The following SGIP1 variants were observed in gnomAD, a reference collection of about 807,000 sequenced individuals.
The protein encoded by SGIP1 is SH3GL interacting endocytic adaptor 1, also known as SH3-containing GRB2-like protein 3-interacting protein 1.
SGIP1 carries 38 observed loss-of-function variants against 107.5 expected under a neutral mutation model. The observed-to-expected ratio is 0.35, with a 90% CI of 0.27 to 0.46. SGIP1 has a LOEUF of 0.46. Among genes scored for constraint, SGIP1 ranks in the 20% least tolerant of loss-of-function variants. The pLI is 1.00. For synonymous variants in SGIP1, 365 were observed against 366.1 expected, an observed-to-expected ratio of 1.00 and a Z score of 0.03; for missense variants, 929 against 1,019.5, an observed-to-expected ratio of 0.91 and a Z score of 1.21.
chr1:66,598,953 G>A (rs569085900), intron 1 of SGIP1, among the ~76,000 whole-genome samples: 1 of 152,212 alleles, frequency 6.6e-6, no homozygotes, highest in South Asian at 2.1e-4. Flanking sequence ...TGAAATGCAA[G>A]CACAGTCCAA....
intron 19 of SGIP1, among the ~76,000 whole-genome samples, chr1:66,723,360 AC>A (rs1428301415): frequency 7.4e-4 from 113 of 152,332 alleles, no homozygotes; most frequent in African/African-American, 2.7e-3. Flanking sequence ...ATATAGTTAT[AC>A]TGTAAATATT....
intron 7 of SGIP1, among the ~76,000 whole-genome samples, chr1:66,659,483 G>T (rs988417716): frequency 6.6e-6 from 1 of 152,200 alleles, no homozygotes; most frequent in African/African-American, 2.4e-5. Context: ...CTTCTGGAAA[G>T]TCTCATGCTT....
At chr1:66,570,227 G>A (rs1013604459) in intron 1 of SGIP1, among the ~76,000 whole-genome samples, 9 of 151,790 alleles carry the variant, frequency 5.9e-5, no homozygotes, top group African/African-American at 2.2e-4. Context: ...TATGTGAAAT[G>A]CCATCAGTGA....
intron 1 of SGIP1, among the ~76,000 whole-genome samples, chr1:66,566,385 T>G (rs540400653): frequency 6.6e-6 from 1 of 152,146 alleles, no homozygotes; most frequent in East Asian, 1.9e-4. Context: ...AGGTAACTTT[T>G]ATATATTTGC....
chr1:66,675,980 A>G (rs182753332), intron 12 of SGIP1, among the ~76,000 whole-genome samples: 1 of 152,214 alleles, frequency 6.6e-6, no homozygotes, highest in Admixed American at 6.5e-5. Context: ...TTCCTCTCCC[A>G]TAAGTGGAAC....
intron 1 of SGIP1, among the ~76,000 whole-genome samples, chr1:66,549,137 G>T (rs890494864): frequency 2.1e-5 from 3 of 144,424 alleles, no homozygotes; most frequent in Middle Eastern, 3.2e-3. Context: ...CTGGCTACCT[G>T]CCTTCCTTCC....
intron 12 of SGIP1, among the ~76,000 whole-genome samples, chr1:66,674,482 G>A (rs1051007922): frequency 1.3e-5 from 2 of 152,142 alleles, no homozygotes; most frequent in African/African-American, 2.4e-5. Context: ...ATAATAACAT[G>A]TTATCCTTCT....
chr1:66,572,649 A>G (rs2060533171), intron 1 of SGIP1, among the ~76,000 whole-genome samples: 1 of 152,068 alleles, frequency 6.6e-6, no homozygotes, highest in Admixed American at 6.6e-5. Context: ...TTATGATAGT[A>G]GTTTCAAGCT....
chr1:66,593,013 A>C (rs1324677806), intron 1 of SGIP1, among the ~76,000 whole-genome samples: 1 of 147,436 alleles, frequency 6.8e-6, no homozygotes, highest in African/African-American at 2.5e-5. Context: ...CAAAGTGCTA[A>C]GATTGCAGGC....
In SGIP1 at chr1:66,625,904, A is replaced by G. The variant is rs1185413842; in HGVS notation, c.68A>G (p.Asp23Gly). The change falls in exon 2 of 25, where the codon GAT (aspartate) becomes GGT (glycine). Residue 23 changes from aspartate to glycine, a missense_variant. Asp to Gly is a moderately conservative substitution (Grantham distance 94). Around this residue, in one of 2 missense-constraint regions of SGIP1, gnomAD observed 588 missense variants for 588.6 expected, o/e 1.00. Coordinates refer to ENST00000371037, the MANE Select transcript of SGIP1 (RefSeq NM_032291.4). ...ATACGGAAGAAAGAAAAGGACACTGATTCTACGTATGTACTTTAGGAGTTT... is the reference window on the plus strand; with the variant it reads ...ATACGGAAGAAAGAAAAGGACACTGGTTCTACGTATGTACTTTAGGAGTTT... ...FGIRKKEKDT[D>G]STGSPDRDGI... is the part of the protein sequence containing the mutation. 1 of 1,612,264 alleles carries G rather than the reference A, an allele frequency of 6.2e-7. No homozygotes were observed. Among genetic ancestry groups the G allele is most frequent in the Admixed American group, 1.7e-5 (1 of 59,892 alleles).
chr1:66,696,473 A>T (rs2090946156), intron 18 of SGIP1, among the ~76,000 whole-genome samples: 1 of 152,204 alleles, frequency 6.6e-6, no homozygotes, highest in African/African-American at 2.4e-5. Context: ...TAGAATTTTC[A>T]TAACTTGAGT....
At chr1:66,639,117 A>G (rs1051117316) in intron 4 of SGIP1, among the ~76,000 whole-genome samples, 2 of 152,214 alleles carry the variant, frequency 1.3e-5, no homozygotes, top group Non-Finnish European at 2.9e-5. Flanking sequence ...TAAACTTGCA[A>G]TGATGCGTGC....
At chr1:66,695,217 G>T in intron 17 of SGIP1, 2 of 876,178 alleles carry the variant, frequency 2.3e-6, no homozygotes, top group Non-Finnish European at 1.6e-6. Context: ...ATTCCTTTAG[G>T]CCTCCATAGC....
intron 18 of SGIP1, among the ~76,000 whole-genome samples, chr1:66,703,558 A>T (rs1370607793): frequency 6.6e-6 from 1 of 151,680 alleles, no homozygotes; most frequent in Non-Finnish European, 1.5e-5. Context: ...GAGATAATAG[A>T]GAAAAAGATA....
chr1:66,698,067 A>C (rs1284262211), intron 18 of SGIP1, among the ~76,000 whole-genome samples: 1 of 152,158 alleles, frequency 6.6e-6, no homozygotes, highest in Non-Finnish European at 1.5e-5. Context: ...TGTTCAAAAC[A>C]CTATTCTGTC....
chr1:66,730,789 C>G (rs899641211), intron 20 of SGIP1, among the ~76,000 whole-genome samples: 7 of 152,188 alleles, frequency 4.6e-5, no homozygotes, highest in African/African-American at 1.7e-4. Flanking sequence ...CCAGCCAGAC[C>G]TGCCAATCTC....
At chr1:66,551,458 A>G (rs2057394453) in intron 1 of SGIP1, among the ~76,000 whole-genome samples, 1 of 152,194 alleles carries the variant, frequency 6.6e-6, no homozygotes, top group African/African-American at 2.4e-5. Flanking sequence ...AATATGAAAA[A>G]TATAGTCATT....
intron 20 of SGIP1, 77 bp from the exon 21 acceptor site, chr1:66,733,671 A>G: frequency 2.0e-6 from 3 of 1,514,644 alleles, no homozygotes; most frequent in East Asian, 2.3e-5. Context: ...TCAGACGACA[A>G]TTTGCTAAGA....
Position 66,682,344 on chromosome 1 carries a change from G to C in SGIP1, c.1290G>C (p.Ser430=). The C allele has an allele frequency of 6.2e-7, 1 of 1,613,384 alleles. No individual in the cohort carries two copies. The highest frequency in any genetic ancestry group is 8.5e-7 in the Non-Finnish European group (1 of 1,179,820). ...RTVVSSPGPG[S]GPGPGTTSGA... ...TGGTTTCGTCCCCCGGACCTGGCTC[G>C]GGCCCTGGTCCGGGGACCACCAGTG... Residue 430 remains serine (S), a synonymous_variant, in exon 15 of 25, where the codon TCG becomes TCC. Coordinates refer to ENST00000371037, the MANE Select transcript of SGIP1 (RefSeq NM_032291.4).
Sources: gnomAD v4.1 joint callset for allele counts (sites outside exome capture counted in the v4.1 genomes callset) on GRCh38, gnomAD v4.1.1 for gene constraint, gnomAD v4.1.1 regional missense constraint, MANE v1.5 for transcripts, NCBI Gene and HGNC (gene_info 2026-07-23, HGNC 2026-07-21) for gene names.